Variants in ATP1A2 observed in about 807,000 individuals in gnomAD.
The protein encoded by ATP1A2 is sodium/potassium-transporting ATPase subunit alpha-2.
In ATP1A2, 56 loss-of-function variants were observed where a neutral mutation model predicts 113.1. The ratio of observed to expected loss-of-function variants is 0.49; its 90% CI spans 0.40 to 0.62. The LOEUF (loss-of-function observed/expected upper bound fraction) is 0.62, where lower values mean the gene tolerates loss of function less well. ATP1A2 is among the 20% of genes least tolerant of loss of function. The probability of loss-of-function intolerance (pLI) is 0.00; values close to 1 mark genes in which losing one functional copy is unlikely to be tolerated. For missense variants in ATP1A2, 712 were observed against 1,357.8 expected (o/e 0.52, Z 7.47); for synonymous variants, 490 against 526.8 (o/e 0.93, Z 0.96).
rs780391321 is a variant in ATP1A2 at position 160,115,850 on chromosome 1, C to G, written c.-12C>G. 2 of 1,597,866 alleles carry G rather than the reference C, an allele frequency of 1.3e-6. No individual in the cohort carries two copies. The highest frequency in any genetic ancestry group is 1.7e-6 in the Non-Finnish European group (2 of 1,172,462). Reference sequence around the variant, plus strand: ...CTCTCCCGCTAAGGTCCCTCAGCCACTCTGCCCCAAGATGGGCCGTGGGGT... The same window carrying G: ...CTCTCCCGCTAAGGTCCCTCAGCCAGTCTGCCCCAAGATGGGCCGTGGGGT... On this transcript the variant is annotated 5_prime_UTR_variant, in exon 1 of 23. Transcript: ENST00000361216.
At chr1:160,134,079 A>C (rs796443703) in intron 13 of ATP1A2, among the ~76,000 whole-genome samples, 37 of 95,478 alleles carry the variant, frequency 3.9e-4, no homozygotes, top group African/African-American at 1.1e-3. Flanking sequence ...CCCACCCCCC[A>C]CACACACATC....
At chr1:160,132,255 G>A (rs1210565500) in intron 13 of ATP1A2, among the ~76,000 whole-genome samples, 2 of 152,106 alleles carry the variant, frequency 1.3e-5, no homozygotes, top group South Asian at 2.1e-4. Flanking sequence ...AGTACTGGGG[G>A]TTGAGACTGG....
chr1:160,127,430 C>T (rs1651619462), intron 7 of ATP1A2, 122 bp from the exon 8 acceptor site: 1 of 1,390,504 alleles, frequency 7.2e-7, no homozygotes. Flanking sequence ...CTGAATGTGG[C>T]CTCCAGATCT....
At chr1:160,119,283 A>AAAAG (rs55885132) in intron 1 of ATP1A2, among the ~76,000 whole-genome samples, 1 of 139,580 alleles carries the variant, frequency 7.2e-6, no homozygotes, top group African/African-American at 2.6e-5. Flanking sequence ...AAAAAAAAAA[A>AAAAG]GCAAACACCT....
intron 3 of ATP1A2, among the ~76,000 whole-genome samples, chr1:160,121,653 C>T (rs1275043342): frequency 6.6e-6 from 1 of 152,246 alleles, no homozygotes; most frequent in Non-Finnish European, 1.5e-5. Flanking sequence ...ACATATGTGA[C>T]ATTGTGATAG....
chr1:160,135,797 A>G lies in ATP1A2; in HGVS notation c.2285-42A>G. 6.2e-7 allele frequency: 1 copy of G among 1,613,936 alleles called. No individual in the cohort carries two copies. Among genetic ancestry groups the G allele is most frequent in the South Asian group, 1.1e-5 (1 of 91,076 alleles). On this transcript the variant is annotated intron_variant, in intron 16 of 22. Transcript: ENST00000361216. The surrounding 1 kb of genome is among the most constrained non-coding windows in gnomAD (Gnocchi z 6.3). ...GCTTCAGGGGCTGGGGGTGGGGAAG[A>G]GTCCCTCTGACCTCCCTGATGCCCT...
At chr1:160,137,300 C>T (rs1651985454) in intron 20 of ATP1A2, 8 of 498,828 alleles carry the variant, frequency 1.6e-5, no homozygotes, top group Non-Finnish European at 2.5e-5. Context: ...TACTTGAGTG[C>T]CACCTGCTCC....
chr1:160,133,609 G>A (rs552483099), intron 13 of ATP1A2, among the ~76,000 whole-genome samples: 1 of 151,982 alleles, frequency 6.6e-6, no homozygotes, highest in African/African-American at 2.4e-5. Context: ...TGGAGGCAGG[G>A]GTGTTGTCTC....
At chr1:160,125,727 T>G (rs985929904) in intron 7 of ATP1A2, among the ~76,000 whole-genome samples, 13 of 152,218 alleles carry the variant, frequency 8.5e-5, no homozygotes, top group African/African-American at 2.9e-4. Context: ...AGGTGAACAC[T>G]TGGGGCCTAC....
chr1:160,126,980 A>C (rs774614397), intron 7 of ATP1A2, among the ~76,000 whole-genome samples: 7 of 152,172 alleles, frequency 4.6e-5, no homozygotes, highest in Non-Finnish European at 5.9e-5. Context: ...TCTAAATATT[A>C]AAACAGCACC....
chr1:160,130,029 T>C, intron 11 of ATP1A2, 73 bp from the exon 12 acceptor site: 13 of 1,590,490 alleles, frequency 8.2e-6, no homozygotes, highest in Non-Finnish European at 1.1e-5. Flanking sequence ...GTGGTTTCCT[T>C]ACCAGCTGCT....
At position 160,130,255 on chromosome 1, in the gene ATP1A2, T is replaced by C; in HGVS notation, c.1615T>C (p.Tyr539His). The C allele has an allele frequency of 6.2e-7, 1 of 1,614,090 alleles. No individual in the cohort carries two copies. Among genetic ancestry groups the C allele is most frequent in the Non-Finnish European group, 8.5e-7 (1 of 1,180,002 alleles). Residue 539 changes from tyrosine to histidine, a missense_variant, in exon 12 of 23, where the codon TAC becomes CAC. Tyr to His is a moderately conservative substitution (Grantham distance 83). Around this residue, in one of 6 missense-constraint regions of ATP1A2, gnomAD observed 263 missense variants for 380.6 expected, o/e 0.69. Transcript: ENST00000361216. ...KEMQDAFQNAYMELGGLGERV... is the reference protein window; with the variant it reads ...KEMQDAFQNAHMELGGLGERV... ...GATGCAAGATGCCTTTCAAAATGCC[T>C]ACATGGAGCTGGGGGGACTTGGGGA... is the stretch of plus-strand genomic sequence containing the variant.
At chr1:160,121,072 C>T (rs1035790485) in intron 2 of ATP1A2, 62 bp downstream of exon 2, 2 of 1,605,274 alleles carry the variant, frequency 1.2e-6, no homozygotes, top group Admixed American at 1.7e-5. Flanking sequence ...CCCTGCAGCC[C>T]ATTGCACTCA....
Position 160,135,832 on chromosome 1 carries a change from C to A in ATP1A2, c.2285-7C>A. The stretch of plus-strand genomic sequence containing the variant: ...ACCTCCCTGATGCCCTCAGAATCTC[C>A]CCACAGGCCGCCTGATCTTTGACAA... On this transcript the variant is annotated splice_polypyrimidine_tract_variant and splice_region_variant and intron_variant, in intron 16 of 22. Coordinates refer to ENST00000361216, the MANE Select transcript of ATP1A2 (RefSeq NM_000702.4). This position sits in a 1 kb window ranked among gnomAD's most constrained non-coding sequence, Gnocchi z 6.3. 1 of 1,614,160 alleles carries A rather than the reference C, an allele frequency of 6.2e-7. No homozygotes were observed. Among genetic ancestry groups the A allele is most frequent in the Non-Finnish European group, 8.5e-7 (1 of 1,180,024 alleles).
In ATP1A2 at chr1:160,143,476, A is replaced by G. The variant is rs1011539271; in HGVS notation, c.*2154A>G. The stretch of plus-strand genomic sequence containing the variant: ...GGCTAATTATCATCAATCTTTATGT[A>G]TTTGTTAAAGAAACATCTACAGGAT... On this transcript the variant is annotated 3_prime_UTR_variant, in exon 23 of 23. Transcript: ENST00000361216. 2 of 152,626 alleles carry G rather than the reference A, an allele frequency of 1.3e-5. No individual in the cohort carries two copies. Among genetic ancestry groups the G allele is most frequent in the Non-Finnish European group, 2.9e-5 (2 of 68,030 alleles). The allele number at this position is 152,626 out of a possible 1,614,324, so 9.5% of individuals were successfully genotyped here.
chr1:160,132,811 C>T (rs1413503710), intron 13 of ATP1A2, among the ~76,000 whole-genome samples: 1 of 152,010 alleles, frequency 6.6e-6, no homozygotes, highest in Non-Finnish European at 1.5e-5. Flanking sequence ...CACAAGGGTG[C>T]AAACTAAAGG....
rs1553245135 is a variant in ATP1A2 at position 160,130,287 on chromosome 1, G to A, written c.1647G>A (p.Val549=). The part of the protein sequence containing the change: ...YMELGGLGER[V]LGFCQLNLPS... ...AGCTGGGGGGACTTGGGGAGCGTGT[G>A]CTGGGTGAGAGGCCAGAAACAGGAG... The change falls in exon 12 of 23, where the codon GTG becomes GTA. Residue 549 remains valine (V), a synonymous_variant. Transcript: ENST00000361216. 3 of 1,614,036 alleles carry A rather than the reference G, an allele frequency of 1.9e-6. No homozygotes were observed. Among genetic ancestry groups the A allele is most frequent in the Non-Finnish European group, 2.5e-6 (3 of 1,180,018 alleles).
At chr1:160,116,555 C>G (rs1310975639) in intron 1 of ATP1A2, among the ~76,000 whole-genome samples, 1 of 151,492 alleles carries the variant, frequency 6.6e-6, no homozygotes, top group Non-Finnish European at 1.5e-5. Context: ...CCCCCCCAGT[C>G]CACCCGTCCA....
rs76300773 is a variant in ATP1A2, at chr1:160,127,444, G to A, written c.749-108G>A. Reference sequence around the variant, plus strand: ...ACTGAATGTGGCCTCCAGATCTGCGGCTTTGGCTCACCTATCCTGTGATGA... The same window carrying A: ...ACTGAATGTGGCCTCCAGATCTGCGACTTTGGCTCACCTATCCTGTGATGA... On this transcript the variant is annotated intron_variant, in intron 7 of 22. Coordinates refer to ENST00000361216, the MANE Select transcript of ATP1A2 (RefSeq NM_000702.4). 110 of 1,533,644 alleles carry A rather than the reference G, an allele frequency of 7.2e-5. No homozygotes were observed. In the African/African-American group the frequency reaches 1.3e-3, roughly 18 times the overall value.
Sources: allele counts gnomAD v4.1 joint callset (sites outside exome capture counted in the v4.1 genomes callset), GRCh38; gene constraint gnomAD v4.1.1; regional missense constraint gnomAD v4.1.1; non-coding constraint Gnocchi (gnomAD v3.1); transcripts MANE v1.5; gene names NCBI Gene and HGNC (gene_info 2026-07-23, HGNC 2026-07-21).